Variants in ITPR1 observed in about 807,000 individuals in gnomAD.
ITPR1 encodes inositol 1,4,5-trisphosphate receptor type 1.
ITPR1 carries 96 observed loss-of-function variants against 318.4 expected under a neutral mutation model. The observed-to-expected ratio is 0.30, with a 90% CI of 0.26 to 0.36. The LOEUF is 0.36. ITPR1 is among the 10% of genes least tolerant of loss of function. The pLI, the probability that ITPR1 is intolerant of heterozygous loss-of-function variation, is 1.00. For synonymous variants in ITPR1, 1,312 were observed against 1,289.9 expected (o/e 1.02, Z -0.37); for missense variants, 2,440 against 3,460.2 (o/e 0.71, Z 7.40).
chr3:4,495,195 A>C (rs374157946), intron 2 of ITPR1, among the ~76,000 whole-genome samples: 9 of 151,174 alleles, frequency 6.0e-5, no homozygotes, highest in African/African-American at 1.9e-4. Context: ...GGAGGTTTCA[A>C]CGGGTGCACG....
intron 4 of ITPR1, among the ~76,000 whole-genome samples, chr3:4,539,832 A>T (rs1287156041): frequency 6.6e-6 from 1 of 152,154 alleles, no homozygotes; most frequent in African/African-American, 2.4e-5. Context: ...GGGACTCTTT[A>T]GAGAGTCCTT....
chr3:4,824,221 C>T (rs949115039), intron 60 of ITPR1, among the ~76,000 whole-genome samples: 28 of 152,148 alleles, frequency 1.8e-4, no homozygotes, highest in African/African-American at 5.1e-4. Context: ...TCTGCTTTAC[C>T]TCGGGAAGGG....
intron 5 of ITPR1, among the ~76,000 whole-genome samples, chr3:4,636,680 CG>C (rs1381584292): frequency 2.6e-5 from 4 of 152,036 alleles, no homozygotes; most frequent in Non-Finnish European, 5.9e-5. Context: ...CCGCCTGCCT[CG>C]GCCTCCCAGA....
At chr3:4,834,732 G>A (rs2050771365) in intron 60 of ITPR1, among the ~76,000 whole-genome samples, 1 of 152,170 alleles carries the variant, frequency 6.6e-6, no homozygotes, top group Admixed American at 6.5e-5. Flanking sequence ...CAGCTGCACG[G>A]GAGAAAACTG....
intron 60 of ITPR1, among the ~76,000 whole-genome samples, chr3:4,830,540 T>G (rs916678132): frequency 5.9e-5 from 9 of 152,168 alleles, no homozygotes; most frequent in Non-Finnish European, 1.3e-4. Context: ...ACATAAATAT[T>G]ATCTTCAAGC....
At chr3:4,506,971 G>T (rs1480941488) in intron 2 of ITPR1, among the ~76,000 whole-genome samples, 1 of 151,954 alleles carries the variant, frequency 6.6e-6, no homozygotes, top group African/African-American at 2.4e-5. Context: ...TACAATGTTA[G>T]AAATTAACAC....
At chr3:4,595,973 A>T (rs2090777374) in intron 4 of ITPR1, 1 of 152,156 alleles carries the variant, frequency 6.6e-6, no homozygotes, top group Admixed American at 6.5e-5. Flanking sequence ...CACTCCCACA[A>T]CCACTCAACT....
intron 61 of ITPR1, among the ~76,000 whole-genome samples, chr3:4,837,988 G>A (rs1575434463): frequency 6.6e-6 from 1 of 152,208 alleles, no homozygotes; most frequent in East Asian, 1.9e-4. Flanking sequence ...GTACACCCAC[G>A]GGTGATTTAT....
intron 30 of ITPR1, among the ~76,000 whole-genome samples, chr3:4,687,143 T>C (rs947071458): frequency 2.6e-5 from 4 of 152,240 alleles, no homozygotes; most frequent in African/African-American, 9.6e-5. Flanking sequence ...TTGAACAGCA[T>C]ATCAGCTAGG....
chr3:4,759,311 G>T (rs1181016408), intron 44 of ITPR1, among the ~76,000 whole-genome samples: 1 of 152,198 alleles, frequency 6.6e-6, no homozygotes, highest in Non-Finnish European at 1.5e-5. Context: ...AGGTAGTTTT[G>T]TTATTCTTTT....
intron 3 of ITPR1, among the ~76,000 whole-genome samples, chr3:4,518,726 G>T (rs1228476859): frequency 6.6e-6 from 1 of 152,176 alleles, no homozygotes; most frequent in African/African-American, 2.4e-5. Context: ...GTGTGTGTGT[G>T]TGCACACTAC....
intron 28 of ITPR1, among the ~76,000 whole-genome samples, 198 bp downstream of exon 28, chr3:4,683,996 T>G: frequency 6.6e-6 from 1 of 152,206 alleles, no homozygotes; most frequent in East Asian, 1.9e-4. Flanking sequence ...CTGTGCAGCC[T>G]TGGACCATGT....
chr3:4,625,270 T>G (rs1338053959), intron 4 of ITPR1, among the ~76,000 whole-genome samples: 1 of 151,512 alleles, frequency 6.6e-6, no homozygotes, highest in African/African-American at 2.4e-5. Flanking sequence ...ATGCAGTACA[T>G]AGTAACAGTT....
intron 49 of ITPR1, among the ~76,000 whole-genome samples, chr3:4,781,589 C>T (rs1164692083): frequency 1.3e-5 from 2 of 152,220 alleles, no homozygotes; most frequent in African/African-American, 4.8e-5. Flanking sequence ...AGTCGTGCGG[C>T]TGTGAAGGGT....
In ITPR1 at chr3:4,738,891, G is replaced by A. The variant is rs185772793; in HGVS notation, c.5544+3537G>A. 6.9e-4 allele frequency among the ~76,000 whole-genome samples: 105 copies of A among 152,298 alleles called. 2 individuals are homozygous for A. Among genetic ancestry groups the A allele is most frequent in the African/African-American group, 2.2e-3 (92 of 41,558 alleles). ...GTGGGGGCCTGTGGATCCATGCCAGGATGGAAGGGTGCGGGTGTGGCCGCA... is the reference window on the plus strand; with the variant it reads ...GTGGGGGCCTGTGGATCCATGCCAGAATGGAAGGGTGCGGGTGTGGCCGCA... On this transcript the variant is annotated intron_variant, in intron 44 of 61. Coordinates refer to ENST00000649015, the MANE Select transcript of ITPR1 (RefSeq NM_001378452.1).
chr3:4,727,240 C>G, intron 42 of ITPR1, 67 bp downstream of exon 42: 1 of 1,168,394 alleles, frequency 8.6e-7, no homozygotes, highest in Non-Finnish European at 1.2e-6. Context: ...CCATCAGCCA[C>G]ACACTGTGAT....
At chr3:4,642,545 G>T (rs558076681) in intron 7 of ITPR1, among the ~76,000 whole-genome samples, 20 of 152,142 alleles carry the variant, frequency 1.3e-4, no homozygotes, top group Non-Finnish European at 2.5e-4. Context: ...GTCCTGGAGA[G>T]GGTCCCTGTC....
chr3:4,610,559 AAG>A (rs2092007401), intron 4 of ITPR1, among the ~76,000 whole-genome samples: 1 of 147,966 alleles, frequency 6.8e-6, no homozygotes, highest in African/African-American at 2.7e-5. Flanking sequence ...AGAGATTCTT[AAG>A]TATTGTCATT....
Position 4,702,883 on chromosome 3 carries a change from C to G in ITPR1, c.4590C>G (p.His1530Gln). 5.0e-6 allele frequency: 8 copies of G among 1,613,966 alleles called. No homozygotes were observed. The highest frequency in any genetic ancestry group is 6.8e-6 in the Non-Finnish European group (8 of 1,179,858). Residue 1530 changes from histidine (H) to glutamine (Q), a missense_variant, in exon 36 of 62, where the codon CAC becomes CAG. This residue lies in a region of ITPR1 where 166 missense variants were observed against 246.5 expected (regional missense o/e 0.67). Coordinates refer to ENST00000649015, the MANE Select transcript of ITPR1 (RefSeq NM_001378452.1). The part of the protein sequence containing the change: ...QLLQGVFRVY[H>Q]CNWLMPSQKA... Reference sequence around the variant, plus strand: ...TGCAAGGCGTGTTCAGGGTTTACCACTGCAACTGGTTAATGCCAAGCCAAA... The same window carrying G: ...TGCAAGGCGTGTTCAGGGTTTACCAGTGCAACTGGTTAATGCCAAGCCAAA...
Sources: gnomAD v4.1 joint callset for allele counts (sites outside exome capture counted in the v4.1 genomes callset) on GRCh38, gnomAD v4.1.1 for gene constraint, gnomAD v4.1.1 regional missense constraint, MANE v1.5 for transcripts, NCBI Gene and HGNC (gene_info 2026-07-23, HGNC 2026-07-21) for gene names.